The following UNC5D variants were observed in gnomAD, a reference collection of about 807,000 sequenced individuals.
UNC5D encodes netrin receptor UNC5D.
In UNC5D, 39 loss-of-function variants were observed where a neutral mutation model predicts 105.4. The observed-to-expected ratio is 0.37, with a 90% CI of 0.29 to 0.48. The LOEUF is 0.48. Ranked by LOEUF, UNC5D falls within the 20% of genes least tolerant of loss-of-function variation. The probability of loss-of-function intolerance (pLI) is 0.98; values close to 1 mark genes in which losing one functional copy is unlikely to be tolerated. For synonymous variants in UNC5D, 452 were observed against 450.4 expected (o/e 1.00, Z -0.04); for missense variants, 991 against 1,202.4 (o/e 0.82, Z 2.60).
chr8:35,745,678 C>T (rs1388860267), intron 11 of UNC5D, among the ~76,000 whole-genome samples: 1 of 152,122 alleles, frequency 6.6e-6, no homozygotes, highest in Non-Finnish European at 1.5e-5. Flanking sequence ...TATCAGCATG[C>T]ATGTATATGT....
chr8:35,505,447 T>C (rs1298743898), intron 1 of UNC5D, among the ~76,000 whole-genome samples: 2 of 152,178 alleles, frequency 1.3e-5, no homozygotes, highest in Non-Finnish European at 2.9e-5. Flanking sequence ...CTTTGGAAAC[T>C]CCTGACAGTA....
chr8:35,305,117 A>G (rs1260062235), intron 1 of UNC5D, among the ~76,000 whole-genome samples: 4 of 152,142 alleles, frequency 2.6e-5, no homozygotes, highest in Non-Finnish European at 4.4e-5. Flanking sequence ...AGAAATAAGC[A>G]AATTATGATA....
intron 1 of UNC5D, among the ~76,000 whole-genome samples, chr8:35,297,733 A>G (rs1807601415): frequency 6.6e-6 from 1 of 151,986 alleles, no homozygotes; most frequent in Admixed American, 6.6e-5. Context: ...TAAATGTGAC[A>G]GGTGTGAATT....
intron 4 of UNC5D, among the ~76,000 whole-genome samples, chr8:35,636,391 G>C (rs529351638): frequency 6.6e-6 from 1 of 152,122 alleles, no homozygotes. Context: ...TGTCCCGGAG[G>C]CTATCCTGTG....
chr8:35,690,729 G>A (rs1339749855), intron 7 of UNC5D, among the ~76,000 whole-genome samples: 3 of 152,188 alleles, frequency 2.0e-5, no homozygotes, highest in South Asian at 2.1e-4. Context: ...GTACTCTGTC[G>A]GAGTGCTCTT....
intron 14 of UNC5D, among the ~76,000 whole-genome samples, chr8:35,760,787 T>TTA (rs1477323829): frequency 1.3e-5 from 2 of 150,850 alleles, no homozygotes; most frequent in East Asian, 1.9e-4. Context: ...TTTTTTTTTT[T>TTA]AACTATAGAC....
intron 3 of UNC5D, among the ~76,000 whole-genome samples, chr8:35,570,398 TAGTTAA>T (rs977082702): frequency 5.9e-5 from 9 of 152,248 alleles, no homozygotes; most frequent in Non-Finnish European, 1.2e-4. Context: ...ATTATTTTCA[TAGTTAA>T]AGTTAAACTA....
At chr8:35,695,966 C>T (rs2131395588) in intron 7 of UNC5D, among the ~76,000 whole-genome samples, 1 of 152,108 alleles carries the variant, frequency 6.6e-6, no homozygotes, top group South Asian at 2.1e-4. Context: ...CACTCCTGAC[C>T]TCAGGTGATC....
chr8:35,412,138 A>G (rs1387683477), intron 1 of UNC5D, among the ~76,000 whole-genome samples: 1 of 152,058 alleles, frequency 6.6e-6, no homozygotes, highest in African/African-American at 2.4e-5. Context: ...GCTTTACATC[A>G]TCTTCAGTAG....
intron 7 of UNC5D, among the ~76,000 whole-genome samples, chr8:35,694,588 TA>T (rs1826625848): frequency 6.6e-6 from 1 of 152,124 alleles, no homozygotes; most frequent in Non-Finnish European, 1.5e-5. Context: ...AAACAAAAAT[TA>T]TAACAGTATC....
chr8:35,431,642 CTTATT>C (rs140823093), intron 1 of UNC5D, among the ~76,000 whole-genome samples: 2,108 of 152,144 alleles, frequency 0.014, 59 homozygotes, highest in African/African-American at 0.048. Context: ...CACCTGAACA[CTTATT>C]TTATTTAGAA....
At chr8:35,414,612 T>A (rs1176699427) in intron 1 of UNC5D, among the ~76,000 whole-genome samples, 1 of 152,108 alleles carries the variant, frequency 6.6e-6, no homozygotes, top group Non-Finnish European at 1.5e-5. Flanking sequence ...AGGCCATAAG[T>A]TTAGAGGAAT....
intron 15 of UNC5D, among the ~76,000 whole-genome samples, chr8:35,772,394 G>A (rs568429842): frequency 1.2e-4 from 19 of 152,280 alleles, no homozygotes; most frequent in Admixed American, 2.6e-4. Flanking sequence ...ACAGATTTAA[G>A]AACTCTATTT....
chr8:35,560,319 C>G (rs1319525028), intron 2 of UNC5D, among the ~76,000 whole-genome samples: 1 of 152,212 alleles, frequency 6.6e-6, no homozygotes, highest in East Asian at 1.9e-4. Context: ...TCTGCAGGAA[C>G]ACTGTTAGAT....
intron 1 of UNC5D, among the ~76,000 whole-genome samples, chr8:35,329,037 C>T (rs1810394038): frequency 6.6e-6 from 1 of 152,112 alleles, no homozygotes; most frequent in Non-Finnish European, 1.5e-5. Flanking sequence ...AGAGTTCCTT[C>T]ACTCATAAAG....
At chr8:35,479,820 G>A (rs1309618354) in intron 1 of UNC5D, among the ~76,000 whole-genome samples, 1 of 152,136 alleles carries the variant, frequency 6.6e-6, no homozygotes, top group Non-Finnish European at 1.5e-5. Context: ...TACCTATCAG[G>A]TACCATGTTC....
intron 4 of UNC5D, among the ~76,000 whole-genome samples, chr8:35,626,522 C>G (rs529627715): frequency 1.3e-5 from 2 of 152,254 alleles, no homozygotes; most frequent in South Asian, 4.1e-4. Flanking sequence ...TAATTAGATT[C>G]TGTAAGGTGT....
intron 16 of UNC5D, among the ~76,000 whole-genome samples, chr8:35,779,191 G>A (rs1238949614): frequency 6.6e-6 from 1 of 152,174 alleles, no homozygotes; most frequent in Admixed American, 6.5e-5. Flanking sequence ...TAGCTGGGTA[G>A]AACTGCGAAA....
At chr8:35,657,433 A>G (rs551122672) in intron 4 of UNC5D, among the ~76,000 whole-genome samples, 30 of 151,412 alleles carry the variant, frequency 2.0e-4, no homozygotes, top group Non-Finnish European at 3.5e-4. Context: ...GGTAAGTTAT[A>G]AATTAAGTTC....
Sources: gnomAD v4.1 joint callset for allele counts (sites outside exome capture counted in the v4.1 genomes callset) on GRCh38, gnomAD v4.1.1 for gene constraint, MANE v1.5 for transcripts, NCBI Gene and HGNC (gene_info 2026-07-23, HGNC 2026-07-21) for gene names.